Variants in ADA observed in about 807,000 individuals in gnomAD.
ADA encodes the protein adenosine deaminase, also known as adenosine aminohydrolase.
In ADA, 45 loss-of-function variants were observed where a neutral mutation model predicts 49.0. The ratio of observed to expected loss-of-function variants is 0.92; its 90% CI spans 0.72 to 1.18. The LOEUF is 1.18. Among genes scored for constraint, ADA ranks in the 50% most tolerant of loss-of-function variants. ADA has a pLI of 0.00. For synonymous variants in ADA, 173 were observed against 184.2 expected (o/e 0.94, Z 0.49); for missense variants, 445 against 472.5 (o/e 0.94, Z 0.54).
Position 44,621,086 on chromosome 20 carries a change from T to TAAC in ADA, c.906_907insGTT (p.Ser302_Thr303insVal). 6.2e-7 allele frequency: 1 copy of TAAC among 1,614,104 alleles called. No homozygotes were observed. Among genetic ancestry groups the TAAC allele is most frequent in the East Asian group, 2.2e-5 (1 of 44,870 alleles). On this transcript the variant is annotated inframe_insertion, in exon 10 of 12. Transcript: ENST00000372874. ...GTCATCTGGTAATCAGTGTCCAGGGTGGACTTGAAGATGAGCGGGTCATCT... is the reference window on the plus strand; with the variant it reads ...GTCATCTGGTAATCAGTGTCCAGGGTAACGGACTTGAAGATGAGCGGGTCATCT...
At chr20:44,628,842 C>T (rs1234676517) in intron 3 of ADA, among the ~76,000 whole-genome samples, 1 of 152,144 alleles carries the variant, frequency 6.6e-6, no homozygotes, top group Non-Finnish European at 1.5e-5. Context: ...GAACTTGAAG[C>T]AATTTCAGTC....
At position 44,623,069 on chromosome 20, in the gene ADA, TCAC is replaced by T. The variant is rs773067514; in HGVS notation, c.613_615del (p.Val205del). 3 of 1,613,972 alleles carry T rather than the reference TCAC, an allele frequency of 1.9e-6. No individual in the cohort carries two copies. The highest frequency in any genetic ancestry group is 2.5e-6 in the Non-Finnish European group (3 of 1,179,924). On this transcript the variant is annotated inframe_deletion, in exon 7 of 12. Coordinates refer to ENST00000372874, the MANE Select transcript of ADA (RefSeq NM_000022.4). The stretch of plus-strand genomic sequence containing the variant: ...TGGACAGTACGGTGAATGCCGCTCT[TCAC>T]AGCCTCCTGGAAGGGGGAGAGCCAG...
rs999070476 is a variant in ADA, at chr20:44,634,224, G to A, written c.95+2003C>T. On this transcript the variant is annotated intron_variant, in intron 2 of 11. Coordinates refer to ENST00000372874, the MANE Select transcript of ADA (RefSeq NM_000022.4). ...TGCCCCACTGAACGACCTCATTAGG[G>A]GCCTTGTGGCAAGTTGGCGGCTTGA... is the stretch of plus-strand genomic sequence containing the variant. 3.3e-5 allele frequency among the ~76,000 whole-genome samples: 5 copies of A among 152,228 alleles called. No homozygotes were observed. In the East Asian group the frequency reaches 9.6e-4, roughly 29 times the overall value.
chr20:44,632,530 T>A (rs73615498), intron 2 of ADA, among the ~76,000 whole-genome samples: 1 of 152,162 alleles, frequency 6.6e-6, no homozygotes, highest in Non-Finnish European at 1.5e-5. Flanking sequence ...GTGTCTCCCA[T>A]GGGACACAGC....
At chr20:44,634,122 G>A (rs1374291277) in intron 2 of ADA, among the ~76,000 whole-genome samples, 1 of 152,110 alleles carries the variant, frequency 6.6e-6, no homozygotes, top group African/African-American at 2.4e-5. Flanking sequence ...GCCCCACCCG[G>A]CGCTCCCAGC....
intron 1 of ADA, among the ~76,000 whole-genome samples, 178 bp downstream of exon 1, chr20:44,651,397 C>A (rs954405359): frequency 6.6e-6 from 1 of 152,260 alleles, no homozygotes; most frequent in Non-Finnish European, 1.5e-5. Flanking sequence ...TGGACCTTCT[C>A]TGCCCCATTG....
chr20:44,637,519 C>T (rs1166326978), intron 1 of ADA, among the ~76,000 whole-genome samples: 2 of 152,152 alleles, frequency 1.3e-5, no homozygotes, highest in Non-Finnish European at 2.9e-5. Context: ...TGGAAGCTTT[C>T]CCCCTAGCTA....
At chr20:44,645,357 CAAAAAAAAAA>C (rs11480982) in intron 1 of ADA, among the ~76,000 whole-genome samples, 1 of 58,454 alleles carries the variant, frequency 1.7e-5, no homozygotes, top group Admixed American at 1.8e-4. Context: ...GACTCCAGCT[CAAAAAAAAAA>C]AAAAAAAAAA....
intron 1 of ADA, among the ~76,000 whole-genome samples, chr20:44,650,218 C>G (rs2065631158): frequency 6.6e-6 from 1 of 152,174 alleles, no homozygotes. Context: ...TGTACAGCAC[C>G]TCAGTGCTTC....
At chr20:44,627,749 G>T (rs541211757) in intron 3 of ADA, among the ~76,000 whole-genome samples, 24 of 152,160 alleles carry the variant, frequency 1.6e-4, no homozygotes, top group Non-Finnish European at 3.1e-4. Context: ...TGAGAGAAAA[G>T]GACACAGCTG....
chr20:44,650,929 G>A (rs762062199), intron 1 of ADA, among the ~76,000 whole-genome samples: 2 of 152,170 alleles, frequency 1.3e-5, no homozygotes, highest in Non-Finnish European at 2.9e-5. Context: ...GCTGGTGGGC[G>A]GAGAAACAAG....
At chr20:44,631,247 G>A (rs906992461) in intron 2 of ADA, among the ~76,000 whole-genome samples, 1 of 152,056 alleles carries the variant, frequency 6.6e-6, no homozygotes, top group Admixed American at 6.5e-5. Flanking sequence ...GGTCATGCTG[G>A]TGCCCACCAG....
rs184076790 is a variant in ADA at position 44,620,573 on chromosome 20, G to A, written c.976-172C>T. 56 of 682,896 alleles carry A rather than the reference G, an allele frequency of 8.2e-5. 1 individual carries two copies. The highest frequency in any genetic ancestry group is 6.2e-4 in the African/African-American group (35 of 56,280). 42.3% of individuals were successfully genotyped at this position (682,896 alleles called of 1,614,324 possible). ...GTGCCAGAGTAGAGACCATGAGGTC[G>A]TGTTCTTAATTTGTCATTACATGAA... On this transcript the variant is annotated intron_variant, in intron 10 of 11. Transcript: ENST00000372874.
chr20:44,649,892 T>C (rs747872795), intron 1 of ADA, among the ~76,000 whole-genome samples: 2 of 152,042 alleles, frequency 1.3e-5, no homozygotes, highest in Non-Finnish European at 2.9e-5. Flanking sequence ...CCCGCCACCA[T>C]GCCCAGCTAA....
chr20:44,624,588 G>A (rs988092992), intron 5 of ADA, among the ~76,000 whole-genome samples: 8 of 152,254 alleles, frequency 5.3e-5, no homozygotes, highest in African/African-American at 1.9e-4. Context: ...CCGAGGCCAT[G>A]TGTGTAAAGC....
At chr20:44,626,750 T>C in intron 3 of ADA, 151 bp from the exon 4 acceptor site, 1 of 955,886 alleles carries the variant, frequency 1.0e-6, no homozygotes, top group Middle Eastern at 3.1e-4. Flanking sequence ...TCCCAGACAC[T>C]GGGCAAGTCC....
At chr20:44,635,190 G>A (rs1447680430) in intron 2 of ADA, among the ~76,000 whole-genome samples, 2 of 152,164 alleles carry the variant, frequency 1.3e-5, no homozygotes, top group Admixed American at 6.5e-5. Context: ...GGGTAGGAAG[G>A]GAAGAACCTT....
chr20:44,623,465 C>G (rs550962969), intron 6 of ADA, among the ~76,000 whole-genome samples: 1 of 152,338 alleles, frequency 6.6e-6, no homozygotes, highest in East Asian at 1.9e-4. Flanking sequence ...GCACCCTCCA[C>G]AGGAGGCCCA....
intron 1 of ADA, among the ~76,000 whole-genome samples, chr20:44,641,326 G>A (rs376511632): frequency 6.6e-5 from 10 of 152,152 alleles, no homozygotes; most frequent in Non-Finnish European, 1.3e-4. Context: ...TGCCGTAGAG[G>A]AACCGTTCTA....
Sources: allele counts gnomAD v4.1 joint callset (sites outside exome capture counted in the v4.1 genomes callset), GRCh38; gene constraint gnomAD v4.1.1; transcripts MANE v1.5; gene names NCBI Gene and HGNC (gene_info 2026-07-23, HGNC 2026-07-21).